The following WDR17 variants were observed in gnomAD, a reference collection of about 807,000 sequenced individuals.
WDR17 encodes WD repeat domain 17, also known as WD repeat-containing protein 17.
Under a neutral mutation model 161.7 loss-of-function variants are expected in WDR17, and 143 were observed. The ratio of observed to expected loss-of-function variants is 0.88; its 90% CI spans 0.77 to 1.02. The LOEUF is 1.02. WDR17 is among the 50% of genes least tolerant of loss of function. WDR17 has a pLI of 0.00. For missense variants in WDR17, 1,469 were observed against 1,520.9 expected, an observed-to-expected ratio of 0.97 and a Z score of 0.57; for synonymous variants, 517 against 515.6, an observed-to-expected ratio of 1.00 and a Z score of -0.04.
chr4:176,070,076 C>G (rs1417737822), intron 1 of WDR17, among the ~76,000 whole-genome samples: 2 of 152,126 alleles, frequency 1.3e-5, no homozygotes, highest in Admixed American at 6.5e-5. Flanking sequence ...ACACTAAACA[C>G]ATAAAAATTA....
At chr4:176,131,432 T>A (rs10017197) in intron 6 of WDR17, 122 bp from the exon 7 acceptor site, 240,086 of 953,882 alleles carry the variant, frequency 0.25, 31,593 homozygotes, top group Middle Eastern at 0.35. Context: ...TGTGGGAGAA[T>A]ATATGATCAT....
At chr4:176,172,264 A>G in intron 23 of WDR17, 111 bp from the exon 24 acceptor site, 2 of 907,482 alleles carry the variant, frequency 2.2e-6, no homozygotes, top group South Asian at 3.4e-5. Flanking sequence ...TATTTTAGAT[A>G]ACTTTAATAA....
At chr4:176,097,085 G>C (rs966506915) in intron 1 of WDR17, among the ~76,000 whole-genome samples, 3 of 151,874 alleles carry the variant, frequency 2.0e-5, no homozygotes, top group African/African-American at 7.2e-5. Context: ...TGCATTGTTA[G>C]TGTGGCAACA....
intron 23 of WDR17, 104 bp downstream of exon 23, chr4:176,168,887 G>A: frequency 7.4e-7 from 1 of 1,347,000 alleles, no homozygotes; most frequent in Non-Finnish European, 1.0e-6. Context: ...CAAATGTGTG[G>A]TCCCTTTGGG....
intron 1 of WDR17, among the ~76,000 whole-genome samples, chr4:176,084,323 G>A (rs574505332): frequency 1.3e-5 from 2 of 152,160 alleles, no homozygotes; most frequent in Non-Finnish European, 2.9e-5. Context: ...AGAACACACA[G>A]CAAGAAAGGC....
chr4:176,141,910 A>T, intron 10 of WDR17, 73 bp from the exon 11 acceptor site: 1 of 1,201,816 alleles, frequency 8.3e-7, no homozygotes, highest in Non-Finnish European at 1.2e-6. Flanking sequence ...GAAATTTACA[A>T]TTCTGACTTT....
At chr4:176,137,371 T>A in intron 8 of WDR17, 149 bp from the exon 9 acceptor site, 1 of 579,016 alleles carries the variant, frequency 1.7e-6, no homozygotes, top group Non-Finnish European at 3.0e-6. Context: ...ATTTTATCTA[T>A]AATTTTATAC....
intron 11 of WDR17, among the ~76,000 whole-genome samples, chr4:176,143,522 A>G (rs994512255): frequency 5.3e-5 from 8 of 151,596 alleles, no homozygotes; most frequent in Non-Finnish European, 1.0e-4. Flanking sequence ...AAAATGAAAA[A>G]TGAAAAAATT....
chr4:176,098,647 T>A (rs1355159978), intron 1 of WDR17, among the ~76,000 whole-genome samples: 1 of 152,022 alleles, frequency 6.6e-6, no homozygotes, highest in Non-Finnish European at 1.5e-5. Context: ...GAAGACTGAA[T>A]AATTATTACA....
At chr4:176,073,892 A>G (rs200762670) in intron 1 of WDR17, among the ~76,000 whole-genome samples, 76,323 of 147,796 alleles carry the variant, frequency 0.52, 21,061 homozygotes, top group South Asian at 0.62. Flanking sequence ...TTTTGGCTGC[A>G]TAAATGTCTT....
chr4:176,179,634 T>G lies in WDR17; in HGVS notation c.*55T>G. 6.7e-7 allele frequency: 1 copy of G among 1,487,910 alleles called. No homozygotes were observed. The highest frequency in any genetic ancestry group is 9.0e-7 in the Non-Finnish European group (1 of 1,115,376). 92.2% of individuals were successfully genotyped at this position (1,487,910 alleles called of 1,614,324 possible). A position where few individuals can be genotyped will look rare whatever the true frequency, so the allele number is the denominator to read the frequency against. On this transcript the variant is annotated 3_prime_UTR_variant, in exon 29 of 29. Coordinates refer to ENST00000508596, the MANE Select transcript of WDR17 (RefSeq NM_181265.4). ...TTTTTTAAAGAAAAACTTTCATGGG[T>G]TAGCATTACCTTAATCTTTGTTGCT... is the stretch of plus-strand genomic sequence containing the variant.
At chr4:176,100,481 A>AT (rs1421582023) in intron 1 of WDR17, among the ~76,000 whole-genome samples, 2 of 152,086 alleles carry the variant, frequency 1.3e-5, no homozygotes, top group Non-Finnish European at 2.9e-5. Context: ...TATTCTGGAT[A>AT]TTAGTCCCCT....
intron 15 of WDR17, 147 bp downstream of exon 15, chr4:176,150,320 A>C (rs1579195776): frequency 6.9e-7 from 1 of 1,448,856 alleles, no homozygotes; most frequent in East Asian, 2.3e-5. Flanking sequence ...AAGCAAATGT[A>C]AAACTAGAAA....
At chr4:176,141,540 C>T (rs940076078) in intron 10 of WDR17, among the ~76,000 whole-genome samples, 1 of 152,158 alleles carries the variant, frequency 6.6e-6, no homozygotes, top group African/African-American at 2.4e-5. Context: ...AGTGATCCTC[C>T]TGCCTCAGCC....
intron 3 of WDR17, among the ~76,000 whole-genome samples, chr4:176,116,474 A>G (rs1740657572): frequency 7.0e-6 from 1 of 142,902 alleles, no homozygotes; most frequent in African/African-American, 2.5e-5. Flanking sequence ...TAATAGCATT[A>G]TACTCTTTCT....
intron 19 of WDR17, among the ~76,000 whole-genome samples, 174 bp downstream of exon 19, chr4:176,160,300 A>G (rs1293967712): frequency 6.6e-6 from 1 of 152,122 alleles, no homozygotes; most frequent in Non-Finnish European, 1.5e-5. Flanking sequence ...TTTTCTGGTC[A>G]CAGCGCACTT....
intron 10 of WDR17, among the ~76,000 whole-genome samples, chr4:176,140,608 C>T (rs149221903): frequency 0.011 from 1,745 of 152,240 alleles, 19 homozygotes; most frequent in Non-Finnish European, 0.018. Context: ...TCCCCTGTAG[C>T]TGTCTATGGG....
chr4:176,119,797 G>A (rs1579099976), intron 3 of WDR17, 70 bp from the exon 4 acceptor site: 2 of 1,314,886 alleles, frequency 1.5e-6, no homozygotes, highest in East Asian at 4.7e-5. Context: ...ATGTAAACAG[G>A]GCAAGTAATA....
chr4:176,172,091 C>T (rs970012096), intron 23 of WDR17, among the ~76,000 whole-genome samples: 1 of 152,072 alleles, frequency 6.6e-6, no homozygotes, highest in Non-Finnish European at 1.5e-5. Flanking sequence ...TGGGTACTAA[C>T]TCCAGTATCA....
Sources: gnomAD v4.1 joint callset for allele counts (sites outside exome capture counted in the v4.1 genomes callset) on GRCh38, gnomAD v4.1.1 for gene constraint, MANE v1.5 for transcripts, NCBI Gene and HGNC (gene_info 2026-07-23, HGNC 2026-07-21) for gene names.